NPC1: variants seen among roughly 807,000 people sequenced by gnomAD.
The protein encoded by NPC1 is NPC intracellular cholesterol transporter 1.
Under a neutral mutation model 140.4 loss-of-function variants are expected in NPC1, and 85 were observed. The ratio of observed to expected loss-of-function variants is 0.61; its 90% CI spans 0.51 to 0.72. The LOEUF (loss-of-function observed/expected upper bound fraction) is 0.72. Ranked by LOEUF, NPC1 falls within the 30% of genes least tolerant of loss-of-function variation. The pLI is 0.00. For missense variants in NPC1, 1,504 were observed against 1,623.8 expected (o/e 0.93, Z 1.27); for synonymous variants, 656 against 624.8 (o/e 1.05, Z -0.74).
intron 24 of NPC1, 52 bp downstream of exon 24, chr18:23,533,303 C>T (rs1439349726): frequency 6.5e-7 from 1 of 1,527,466 alleles, no homozygotes; most frequent in African/African-American, 1.4e-5. Context: ...ATAGAATTCC[C>T]TTTCAGTAAT....
rs916061104 is a variant in NPC1, at chr18:23,541,328, C to G, written c.2351G>C (p.Gly784Ala). The G allele has an allele frequency of 9.3e-6, 15 of 1,614,060 alleles. No individual in the cohort carries two copies. The highest frequency in any genetic ancestry group is 1.2e-5 in the Non-Finnish European group (14 of 1,180,052). The change falls in exon 15 of 25, where the codon GGG becomes GCG. Residue 784 changes from glycine (G) to alanine (A), a missense_variant. Coordinates refer to ENST00000269228, the MANE Select transcript of NPC1 (RefSeq NM_000271.5). ...TACCTCTTGACGTTTAATGTCTAAC[C>G]CCAAGAGACTCACGAAACAGGTAAT... ...LQITCFVSLL[G>A]LDIKRQEKNR...
intron 3 of NPC1, chr18:23,506,833 G>A (rs1244965279): frequency 4.8e-6 from 3 of 629,148 alleles, no homozygotes; most frequent in African/African-American, 1.9e-5. Context: ...TCCTACTGAT[G>A]GCTTCCGAAA....
downstream of NPC1, chr18:23,527,747 C>CTT (rs1462646482): frequency 1.4e-6 from 2 of 1,457,698 alleles, no homozygotes; most frequent in Admixed American, 3.3e-5. Context: ...AATTCTGAAG[C>CTT]TGACATGAAG....
rs146495828 is a variant in NPC1, at chr18:23,548,859, C to T, written c.1655-751G>A. On this transcript the variant is annotated intron_variant, in intron 10 of 24. Transcript: ENST00000269228. The stretch of plus-strand genomic sequence containing the variant: ...AGGCTGAAGTACAGTGGTGCAATCG[C>T]GGCTTTTTGTGGCCTTGACCACCCG... 8.3e-3 allele frequency among the ~76,000 whole-genome samples: 1,263 copies of T among 152,170 alleles called. 15 individuals carry two copies. The highest frequency in any genetic ancestry group is 0.029 in the African/African-American group (1,211 of 41,508).
At chr18:23,537,410 G>C (rs1302394591) in intron 20 of NPC1, among the ~76,000 whole-genome samples, 2 of 152,096 alleles carry the variant, frequency 1.3e-5, no homozygotes, top group African/African-American at 4.8e-5. Context: ...TGGGTTCTTT[G>C]GTACATAGCT....
intron 12 of NPC1, 94 bp from the exon 13 acceptor site, chr18:23,544,620 T>C: frequency 9.0e-7 from 1 of 1,111,238 alleles, no homozygotes; most frequent in African/African-American, 1.5e-5. Context: ...TACAGGGCTG[T>C]ATTAAACCTA....
chr18:23,535,996 G>GA (rs951672256), intron 21 of NPC1, among the ~76,000 whole-genome samples: 25 of 151,698 alleles, frequency 1.6e-4, no homozygotes, highest in Admixed American at 1.2e-3. Context: ...ACAGCATTCT[G>GA]AAAAAACACA....
At chr18:23,525,287 A>T (rs2058264981), downstream of NPC1, among the ~76,000 whole-genome samples, 1 of 150,816 alleles carries the variant, frequency 6.6e-6, no homozygotes, top group African/African-American at 2.4e-5. Context: ...TTGCTCCGTC[A>T]CCCAGCCTGG....
In NPC1 at chr18:23,509,193, A is replaced by G. The variant is rs781131339; in HGVS notation, c.432-2551T>C. 4.4e-6 allele frequency: 6 copies of G among 1,370,208 alleles called. No individual in the cohort carries two copies. In the South Asian group the frequency reaches 1.0e-4, roughly 23 times the overall value. 84.9% of individuals were successfully genotyped at this position (1,370,208 alleles called of 1,614,324 possible). A position where few individuals can be genotyped will look rare whatever the true frequency, so the allele number is the denominator to read the frequency against. On this transcript the variant is annotated intron_variant, in intron 3 of 3. Transcript: ENST00000591107. Reference sequence around the variant, plus strand: ...AATATTTTTAAAAAATTTTTCTTAGACTAAGAATGCCAACATTCTAGGATT... The same window carrying G: ...AATATTTTTAAAAAATTTTTCTTAGGCTAAGAATGCCAACATTCTAGGATT...
At chr18:23,518,453 C>G (rs774494301), downstream of NPC1, among the ~76,000 whole-genome samples, 4 of 151,922 alleles carry the variant, frequency 2.6e-5, no homozygotes, top group Non-Finnish European at 4.4e-5. Context: ...GTGGTTGCAC[C>G]ACTGCATTCC....
At chr18:23,538,062 G>A (rs975786737) in intron 20 of NPC1, among the ~76,000 whole-genome samples, 2 of 152,138 alleles carry the variant, frequency 1.3e-5, no homozygotes, top group Admixed American at 6.5e-5. Context: ...TGGCTGGATG[G>A]GGGAGTGAGA....
chr18:23,552,057 A>AT (rs1232794664), intron 9 of NPC1, among the ~76,000 whole-genome samples: 2 of 152,196 alleles, frequency 1.3e-5, no homozygotes, highest in African/African-American at 2.4e-5. Flanking sequence ...GATGAGGGGG[A>AT]TTTCACCAAA....
At chr18:23,564,041 A>G (rs1303632269) in intron 4 of NPC1, among the ~76,000 whole-genome samples, 3 of 128,622 alleles carry the variant, frequency 2.3e-5, no homozygotes, top group South Asian at 2.7e-4. Context: ...CTGGAGTCCA[A>G]TGGTGTGATC....
chr18:23,586,471 G>T lies in NPC1; in HGVS notation c.-128C>A, dbSNP rs1015751000. The T allele has an allele frequency of 1.4e-6, 2 of 1,456,340 alleles. No individual in the cohort carries two copies. The highest frequency in any genetic ancestry group is 1.5e-5 in the African/African-American group (1 of 68,060). The allele number at this position is 1,456,340 out of a possible 1,614,324, so 90.2% of individuals were successfully genotyped here. ...GAGCGGAGGAGCAGGAGCAGGCGCT[G>T]ACCGCGGCAGCAGGCTGCGCGCGCC... On this transcript the variant is annotated 5_prime_UTR_variant, in exon 1 of 25. Coordinates refer to ENST00000269228, the MANE Select transcript of NPC1 (RefSeq NM_000271.5).
At chr18:23,574,513 T>G (rs2059247478) in intron 1 of NPC1, among the ~76,000 whole-genome samples, 1 of 151,990 alleles carries the variant, frequency 6.6e-6, no homozygotes, top group Admixed American at 6.5e-5. Flanking sequence ...GCACATGACC[T>G]GCACACAGGC....
intron 4 of NPC1, among the ~76,000 whole-genome samples, chr18:23,563,403 T>C (rs2059072928): frequency 6.6e-6 from 1 of 152,196 alleles, no homozygotes; most frequent in Non-Finnish European, 1.5e-5. Flanking sequence ...ATATGGTAGT[T>C]CTATGTTTGT....
intron 24 of NPC1, chr18:23,532,895 C>T: frequency 1.0e-6 from 1 of 985,186 alleles, no homozygotes; most frequent in African/African-American, 1.7e-5. Context: ...GTGAAGTGGC[C>T]ATAGAAGTAA....
downstream of NPC1, chr18:23,528,520 C>CAACA (rs147156477): frequency 2.7e-3 from 410 of 152,954 alleles, 4 homozygotes; most frequent in East Asian, 0.032. Context: ...GGTTTTAAAC[C>CAACA]AACAAAAGCC....
At chr18:23,566,677 AAC>A (rs747368865) in intron 4 of NPC1, among the ~76,000 whole-genome samples, 2 of 152,172 alleles carry the variant, frequency 1.3e-5, no homozygotes, top group Non-Finnish European at 2.9e-5. Flanking sequence ...CCCTAAGGTA[AAC>A]ACAATCCTGA....
Sources: gnomAD v4.1 joint callset for allele counts (sites outside exome capture counted in the v4.1 genomes callset) on GRCh38, gnomAD v4.1.1 for gene constraint, MANE v1.5 for transcripts, NCBI Gene and HGNC (gene_info 2026-07-23, HGNC 2026-07-21) for gene names.